The following ELP3 variants were observed in gnomAD, a reference collection of about 807,000 sequenced individuals.
ELP3 encodes elongator acetyltransferase complex subunit 3, also known as elongator complex protein 3.
Under a neutral mutation model 74.9 loss-of-function variants are expected in ELP3, and 56 were observed. That is an observed-to-expected ratio of 0.75 (90% confidence interval 0.60 to 0.93). ELP3 has a LOEUF of 0.93. Ranked by LOEUF, ELP3 falls within the 40% of genes least tolerant of loss-of-function variation. The pLI is 0.00. For synonymous variants in ELP3, 222 were observed against 239.8 expected (o/e 0.93, Z 0.68); for missense variants, 573 against 686.5 (o/e 0.83, Z 1.85).
At chr8:28,097,437 C>G (rs1427881526) in intron 2 of ELP3, 119 bp downstream of exon 2, 2 of 619,478 alleles carry the variant, frequency 3.2e-6, no homozygotes, top group Non-Finnish European at 5.5e-6. Flanking sequence ...TTTTAGCTTT[C>G]TGCCTTGCCT....
At chr8:28,177,422 G>A (rs1814803589) in intron 14 of ELP3, among the ~76,000 whole-genome samples, 1 of 152,232 alleles carries the variant, frequency 6.6e-6, no homozygotes, top group Admixed American at 6.5e-5. Flanking sequence ...GCAAGTGAAT[G>A]AAACTAATGA....
chr8:28,130,353 G>T (rs1438912198), intron 8 of ELP3, among the ~76,000 whole-genome samples: 3 of 152,146 alleles, frequency 2.0e-5, no homozygotes, highest in Non-Finnish European at 4.4e-5. Flanking sequence ...GATGTTAAAG[G>T]CCCCTTTATT....
intron 3 of ELP3, among the ~76,000 whole-genome samples, chr8:28,101,276 C>T (rs1430775071): frequency 1.3e-5 from 2 of 151,912 alleles, no homozygotes; most frequent in Non-Finnish European, 2.9e-5. Flanking sequence ...AAAAATTAGC[C>T]GGGCGTTGTG....
chr8:28,093,394 C>A, intron 1 of ELP3, 161 bp downstream of exon 1: 1 of 987,460 alleles, frequency 1.0e-6, no homozygotes, highest in Non-Finnish European at 1.5e-6. Context: ...CGAGCCTTCT[C>A]GTTTTTCCTG....
intron 7 of ELP3, among the ~76,000 whole-genome samples, chr8:28,118,556 A>C (rs771574804): frequency 6.6e-6 from 1 of 152,202 alleles, no homozygotes; most frequent in East Asian, 1.9e-4. Flanking sequence ...GAGATTCTTC[A>C]GTAGTCTCCA....
At chr8:28,127,861 G>A (rs762608901) in intron 7 of ELP3, among the ~76,000 whole-genome samples, 27 of 152,146 alleles carry the variant, frequency 1.8e-4, no homozygotes, top group Non-Finnish European at 3.5e-4. Flanking sequence ...AATAAACAAT[G>A]CAAAAGAGTT....
chr8:28,142,468 C>G (rs983275497), intron 10 of ELP3, among the ~76,000 whole-genome samples: 2 of 152,128 alleles, frequency 1.3e-5, no homozygotes, highest in Non-Finnish European at 1.5e-5. Context: ...CTTAAGATTT[C>G]GAAGTGACAC....
At chr8:28,171,096 G>C (rs959048604) in intron 14 of ELP3, among the ~76,000 whole-genome samples, 2 of 152,202 alleles carry the variant, frequency 1.3e-5, no homozygotes, top group African/African-American at 4.8e-5. Flanking sequence ...CAGTCTGATA[G>C]ACATTTCGGT....
At chr8:28,104,161 A>G (rs1049097348) in intron 3 of ELP3, among the ~76,000 whole-genome samples, 5 of 152,134 alleles carry the variant, frequency 3.3e-5, no homozygotes, top group Non-Finnish European at 5.9e-5. Context: ...TTCTTTATTG[A>G]GATATCTAGT....
At chr8:28,158,722 C>A (rs1054123190) in intron 12 of ELP3, 89 bp downstream of exon 12, 11 of 1,024,842 alleles carry the variant, frequency 1.1e-5, no homozygotes, top group African/African-American at 1.6e-5. Context: ...AAGGACAGAG[C>A]CCCAGGAGTG....
At chr8:28,099,992 C>A in intron 3 of ELP3, 26 bp downstream of exon 3, 1 of 1,613,830 alleles carries the variant, frequency 6.2e-7, no homozygotes, top group Non-Finnish European at 8.5e-7. Flanking sequence ...CATGAGGTAT[C>A]GACACACTGG....
chr8:28,181,547 T>C (rs1021402336), intron 14 of ELP3, among the ~76,000 whole-genome samples: 2 of 152,254 alleles, frequency 1.3e-5, no homozygotes, highest in African/African-American at 4.8e-5. Flanking sequence ...TAATGAGTTA[T>C]CAAAGGACAT....
At chr8:28,178,913 GT>G (rs1404731486) in intron 14 of ELP3, among the ~76,000 whole-genome samples, 3 of 152,170 alleles carry the variant, frequency 2.0e-5, no homozygotes, top group African/African-American at 7.2e-5. Context: ...TGAAGTTGCT[GT>G]GTGCACATGT....
intron 7 of ELP3, among the ~76,000 whole-genome samples, chr8:28,115,649 CAGAG>C (rs2130408756): frequency 6.6e-6 from 1 of 152,256 alleles, no homozygotes; most frequent in African/African-American, 2.4e-5. Flanking sequence ...AGCTGAGGCA[CAGAG>C]AGATAAGCAA....
At chr8:28,114,630 C>T (rs752228211) in intron 7 of ELP3, among the ~76,000 whole-genome samples, 2 of 152,200 alleles carry the variant, frequency 1.3e-5, no homozygotes, top group Non-Finnish European at 2.9e-5. Flanking sequence ...AGGACCCAAA[C>T]ACCTCCCACC....
intron 6 of ELP3, 99 bp downstream of exon 6, chr8:28,110,537 A>T: frequency 9.1e-7 from 1 of 1,100,088 alleles, no homozygotes; most frequent in Non-Finnish European, 1.3e-6. Context: ...TAAGAATGAA[A>T]AAGGTGTTTT....
At chr8:28,141,017 A>G (rs922031002) in intron 10 of ELP3, among the ~76,000 whole-genome samples, 2 of 152,214 alleles carry the variant, frequency 1.3e-5, no homozygotes, top group East Asian at 3.8e-4. Flanking sequence ...CCTAAGAGCA[A>G]TTACTCAGTA....
upstream of ELP3, chr8:28,092,910 G>T (rs1811096781): frequency 2.0e-6 from 1 of 500,600 alleles, no homozygotes; most frequent in Middle Eastern, 5.8e-4. Flanking sequence ...CTGTCCCATA[G>T]CTGTACTGCC....
chr8:28,149,526 C>T (rs1211267151), intron 10 of ELP3, among the ~76,000 whole-genome samples: 2 of 152,118 alleles, frequency 1.3e-5, no homozygotes, highest in Non-Finnish European at 2.9e-5. Context: ...AGTGATGTCT[C>T]CTCTTTCACT....
Sources: allele counts gnomAD v4.1 joint callset (sites outside exome capture counted in the v4.1 genomes callset), GRCh38; gene constraint gnomAD v4.1.1; transcripts MANE v1.5; gene names NCBI Gene and HGNC (gene_info 2026-07-23, HGNC 2026-07-21).